The following IPO11 variants were observed in gnomAD, a reference collection of about 807,000 sequenced individuals.
The protein encoded by IPO11 is importin 11, also known as importin-11.
Under a neutral mutation model 143.2 loss-of-function variants are expected in IPO11, and 66 were observed. The ratio of observed to expected loss-of-function variants is 0.46; its 90% CI spans 0.38 to 0.57. IPO11 has a LOEUF of 0.57. Among genes scored for constraint, IPO11 ranks in the 20% least tolerant of loss-of-function variants. IPO11 has a pLI of 0.00. For missense variants in IPO11, 1,026 were observed against 1,141.0 expected (o/e 0.90, Z 1.45); for synonymous variants, 385 against 377.8 (o/e 1.02, Z -0.22).
intron 29 of IPO11, among the ~76,000 whole-genome samples, chr5:62,613,251 A>C (rs371116622): frequency 9.1e-5 from 11 of 121,034 alleles, no homozygotes; most frequent in African/African-American, 3.4e-4. Context: ...GGTAGATTTT[A>C]TTTCCCAAGA....
chr5:62,581,076 C>T, intron 27 of IPO11: 1 of 1,549,110 alleles, frequency 6.5e-7, no homozygotes, highest in Non-Finnish European at 8.7e-7. Flanking sequence ...TTTTTTTGAT[C>T]TACAAAGTTG....
At chr5:62,513,913 G>A (rs1416620499) in intron 19 of IPO11, among the ~76,000 whole-genome samples, 2 of 150,794 alleles carry the variant, frequency 1.3e-5, no homozygotes, top group East Asian at 2.0e-4. Context: ...CCTCCCAGAC[G>A]GGGTCGCGGC....
At chr5:62,432,884 T>C (rs1194097830) in intron 1 of IPO11, among the ~76,000 whole-genome samples, 2 of 152,214 alleles carry the variant, frequency 1.3e-5, no homozygotes, top group Non-Finnish European at 2.9e-5. Context: ...TGTTGATAAC[T>C]GAATTTACTC....
At chr5:62,515,312 C>A in intron 19 of IPO11, 76 bp from the exon 20 acceptor site, 1 of 842,982 alleles carries the variant, frequency 1.2e-6, no homozygotes, top group Non-Finnish European at 1.9e-6. Context: ...CTTAATAGTG[C>A]TCTCATTGTT....
chr5:62,596,376 A>G (rs545388244), intron 28 of IPO11, among the ~76,000 whole-genome samples: 45 of 152,146 alleles, frequency 3.0e-4, no homozygotes, highest in Non-Finnish European at 3.7e-4. Flanking sequence ...AGTACAAAAC[A>G]TACCAAGTAT....
intron 3 of IPO11, among the ~76,000 whole-genome samples, chr5:62,449,062 C>T (rs1321170601): frequency 6.6e-6 from 1 of 152,040 alleles, no homozygotes; most frequent in Non-Finnish European, 1.5e-5. Flanking sequence ...GAGACAAGGA[C>T]TTGTTCTGTT....
chr5:62,420,072 C>T (rs971001587), intron 1 of IPO11, among the ~76,000 whole-genome samples: 4 of 151,920 alleles, frequency 2.6e-5, no homozygotes, highest in African/African-American at 9.7e-5. Flanking sequence ...GGGTGGATCA[C>T]GGGGTCAGGA....
At chr5:62,416,206 G>A (rs1351410885) in intron 1 of IPO11, among the ~76,000 whole-genome samples, 1 of 143,188 alleles carries the variant, frequency 7.0e-6, no homozygotes, top group African/African-American at 2.6e-5. Context: ...TTTTGAGACG[G>A]AGCCTCGCTC....
At chr5:62,603,846 C>T (rs1428847450) in intron 29 of IPO11, among the ~76,000 whole-genome samples, 9 of 152,228 alleles carry the variant, frequency 5.9e-5, no homozygotes, top group South Asian at 2.1e-4. Flanking sequence ...CACAACATTT[C>T]GGTCAACAGC....
At chr5:62,580,560 A>G (rs1051602616) in intron 27 of IPO11, 4 of 1,551,332 alleles carry the variant, frequency 2.6e-6, no homozygotes, top group African/African-American at 2.7e-5. Context: ...GAGACTGGCT[A>G]GCATCTTCAG....
intron 16 of IPO11, among the ~76,000 whole-genome samples, chr5:62,500,231 A>G (rs974619229): frequency 2.4e-4 from 37 of 152,194 alleles, no homozygotes; most frequent in African/African-American, 8.4e-4. Context: ...GCTGTGAGCC[A>G]TGATCATGCC....
chr5:62,462,045 A>G (rs1003057279), intron 5 of IPO11, among the ~76,000 whole-genome samples: 3 of 152,208 alleles, frequency 2.0e-5, no homozygotes, highest in African/African-American at 4.8e-5. Context: ...GAAAGAGGGA[A>G]GAATTAATTA....
intron 24 of IPO11, among the ~76,000 whole-genome samples, chr5:62,537,559 G>A (rs1742777744): frequency 6.6e-6 from 1 of 152,100 alleles, no homozygotes; most frequent in African/African-American, 2.4e-5. Flanking sequence ...TTGGGATGTT[G>A]CCTATCTTGA....
chr5:62,577,174 A>G (rs1475494291), intron 27 of IPO11, among the ~76,000 whole-genome samples: 1 of 152,162 alleles, frequency 6.6e-6, no homozygotes, highest in African/African-American at 2.4e-5. Context: ...TTTGCTGGAG[A>G]TAGGAATTTT....
At chr5:62,447,334 A>C (rs1390836550) in intron 3 of IPO11, among the ~76,000 whole-genome samples, 1 of 152,066 alleles carries the variant, frequency 6.6e-6, no homozygotes, top group Non-Finnish European at 1.5e-5. Flanking sequence ...TGAACTCCTG[A>C]CTGCAAGTGA....
chr5:62,463,074 C>T (rs1286493806), intron 5 of IPO11, among the ~76,000 whole-genome samples: 3 of 151,980 alleles, frequency 2.0e-5, no homozygotes, highest in Admixed American at 6.5e-5. Flanking sequence ...GACAGTGTCT[C>T]ACTCTTGTCC....
intron 22 of IPO11, among the ~76,000 whole-genome samples, chr5:62,532,139 T>G (rs1742567727): frequency 6.6e-6 from 1 of 152,216 alleles, no homozygotes; most frequent in Non-Finnish European, 1.5e-5. Context: ...CATATTGGTC[T>G]CATTTCACCC....
At chr5:62,564,714 C>T (rs1240686332) in intron 27 of IPO11, among the ~76,000 whole-genome samples, 1 of 152,090 alleles carries the variant, frequency 6.6e-6, no homozygotes. Context: ...AAAATATCAT[C>T]AGACATTGCC....
chr5:62,615,756 A>G (rs1746107920), intron 29 of IPO11, among the ~76,000 whole-genome samples: 1 of 152,184 alleles, frequency 6.6e-6, no homozygotes, highest in Admixed American at 6.5e-5. Context: ...ATAGTACAAA[A>G]AGTGGATTGG....
Sources: allele counts gnomAD v4.1 joint callset (sites outside exome capture counted in the v4.1 genomes callset), GRCh38; gene constraint gnomAD v4.1.1; transcripts MANE v1.5; gene names NCBI Gene and HGNC (gene_info 2026-07-23, HGNC 2026-07-21).